The following MGRN1 variants were observed in gnomAD, a reference collection of about 807,000 sequenced individuals.
MGRN1 encodes the protein E3 ubiquitin-protein ligase MGRN1.
Under a neutral mutation model 69.2 loss-of-function variants are expected in MGRN1, and 29 were observed. That is an observed-to-expected ratio of 0.42 (90% CI 0.31 to 0.57). MGRN1 has a LOEUF of 0.57. Ranked by LOEUF, MGRN1 falls within the 20% of genes least tolerant of loss-of-function variation. The pLI is 0.15. For synonymous variants in MGRN1, 470 were observed against 344.2 expected, an observed-to-expected ratio of 1.37 and a Z score of -4.04; for missense variants, 998 against 796.2, an observed-to-expected ratio of 1.25 and a Z score of -3.05.
chr16:4,673,129 C>A (rs1259001853), intron 9 of MGRN1, among the ~76,000 whole-genome samples: 1 of 152,218 alleles, frequency 6.6e-6, no homozygotes, highest in African/African-American at 2.4e-5. Context: ...TGAGCCACCG[C>A]GCCTGACCAT....
chr16:4,641,447 C>T (rs1248404220), intron 1 of MGRN1, among the ~76,000 whole-genome samples: 1 of 151,836 alleles, frequency 6.6e-6, no homozygotes, highest in African/African-American at 2.4e-5. Context: ...TTGCTGGGCT[C>T]GCATGGTCCT....
intron 1 of MGRN1, among the ~76,000 whole-genome samples, chr16:4,630,303 C>T (rs1416962410): frequency 2.0e-5 from 3 of 147,756 alleles, no homozygotes; most frequent in East Asian, 4.0e-4. Context: ...TGCAGTGAGC[C>T]GAGATTATGC....
intron 5 of MGRN1, 36 bp downstream of exon 5, chr16:4,657,399 C>T (rs752767177): frequency 1.3e-6 from 2 of 1,575,752 alleles, no homozygotes; most frequent in Admixed American, 1.7e-5. Flanking sequence ...CCCTTCGCTC[C>T]TCCTGAATTC....
At chr16:4,679,145 C>G (rs1355336914) in intron 11 of MGRN1, among the ~76,000 whole-genome samples, 1 of 152,172 alleles carries the variant, frequency 6.6e-6, no homozygotes, top group Non-Finnish European at 1.5e-5. Context: ...GCTGCGTGTG[C>G]TCAGGTTTTT....
In MGRN1 at chr16:4,624,851, G is replaced by T. The variant is rs1022691832; in HGVS notation, c.-110G>T. 31 of 904,206 alleles carry T rather than the reference G, an allele frequency of 3.4e-5. 1 individual carries two copies. In the South Asian group the frequency reaches 8.5e-4, roughly 25 times the overall value. The allele number at this position is 904,206 out of a possible 1,614,324, so 56.0% of individuals were successfully genotyped here. The stretch of plus-strand genomic sequence containing the variant: ...GGGGGCTCGAGGCGCCTCCGCGGCC[G>T]TGGACGAGCGTCCGTGCGGCCTGGT... On this transcript the variant is annotated 5_prime_UTR_variant, in exon 1 of 17. Coordinates refer to ENST00000262370, the MANE Select transcript of MGRN1 (RefSeq NM_015246.4).
rs769798636 is a variant in MGRN1 at position 4,652,042 on chromosome 16, G to A, written c.287G>A (p.Arg96Gln). 9.3e-6 allele frequency: 15 copies of A among 1,613,874 alleles called. No individual in the cohort carries two copies. Among genetic ancestry groups the A allele is most frequent in the Non-Finnish European group, 1.1e-5 (13 of 1,179,938 alleles). The change falls in exon 3 of 17, where the codon CGG becomes CAG. Residue 96 changes from arginine to glutamine, a missense_variant. Transcript: ENST00000262370. ...GTGAACATCCGCAAAGACTCCCTGC[G>A]GCTGGTGAGGTAACTTCACCCTGCC... ...SLVNIRKDSL[R>Q]LVRYKDDADS... is the part of the protein sequence containing the mutation.
At chr16:4,680,169 G>A in intron 12 of MGRN1, 72 bp downstream of exon 12, 3 of 1,446,472 alleles carry the variant, frequency 2.1e-6, no homozygotes, top group Middle Eastern at 1.7e-4. Flanking sequence ...AAGTAGGGGA[G>A]ATCGTTTCCG....
intron 12 of MGRN1, 113 bp downstream of exon 12, chr16:4,680,210 G>C (rs920077738): frequency 9.5e-7 from 1 of 1,056,370 alleles, no homozygotes; most frequent in Non-Finnish European, 1.4e-6. Flanking sequence ...CATATAACCC[G>C]TCAGCTCCAC....
chr16:4,678,346 C>G (rs1475930526), intron 11 of MGRN1, among the ~76,000 whole-genome samples: 2 of 152,200 alleles, frequency 1.3e-5, no homozygotes, highest in Non-Finnish European at 2.9e-5. Flanking sequence ...GAGAGAGATG[C>G]ACAGAGAAAC....
intron 13 of MGRN1, among the ~76,000 whole-genome samples, chr16:4,682,543 C>A (rs374817361): frequency 1.3e-5 from 2 of 152,346 alleles, no homozygotes; most frequent in East Asian, 3.9e-4. Flanking sequence ...CCCCAGGAAC[C>A]ACCAGCGGTT....
At chr16:4,642,096 A>G (rs569380140) in intron 1 of MGRN1, among the ~76,000 whole-genome samples, 50 of 145,944 alleles carry the variant, frequency 3.4e-4, no homozygotes, top group African/African-American at 1.1e-3. Context: ...CTGCACTGTC[A>G]TGCATTTCCC....
intron 4 of MGRN1, among the ~76,000 whole-genome samples, chr16:4,654,213 G>GT (rs1417120471): frequency 6.6e-6 from 1 of 152,178 alleles, no homozygotes; most frequent in East Asian, 1.9e-4. Flanking sequence ...AATTCCAAGG[G>GT]TTTGGAGTTC....
Position 4,689,326 on chromosome 16 carries a change from CA to C in MGRN1, c.*419del, listed in dbSNP as rs2079406433. ...TCGAAGCACCATCTTCACAGATGTT[CA>C]GGGGCAGTGGGGGGCTCCAGGCACG... On this transcript the variant is annotated 3_prime_UTR_variant, in exon 17 of 17. Transcript: ENST00000262370. The C allele has an allele frequency of 6.1e-6, 1 of 164,434 alleles. No individual in the cohort carries two copies. The highest frequency in any genetic ancestry group is 2.4e-5 in the African/African-American group (1 of 41,994). The allele number at this position is 164,434 out of a possible 1,614,324, so 10.2% of individuals were successfully genotyped here.
rs958550486 is a variant in MGRN1, at chr16:4,683,768, C to T, written c.1529-75C>T. On this transcript the variant is annotated intron_variant, in intron 15 of 16. Transcript: ENST00000262370. ...CTACAGAGCCCTTGGGTAAGAGAGA[C>T]GGCCTCCTGCCCAGAGGGACCTGCC... The T allele has an allele frequency of 1.2e-4, 160 of 1,322,816 alleles. 2 individuals are homozygous for T. Among genetic ancestry groups the T allele is most frequent in the Non-Finnish European group, 1.4e-4 (130 of 942,554 alleles). 81.9% of individuals were successfully genotyped at this position (1,322,816 alleles called of 1,614,324 possible).
At chr16:4,625,131 G>GAGCA in intron 1 of MGRN1, 83 bp downstream of exon 1, 3 of 1,283,562 alleles carry the variant, frequency 2.3e-6, no homozygotes, top group Non-Finnish European at 3.1e-6. Flanking sequence ...GACTCGGGGC[G>GAGCA]GGGCGCCCTG....
intron 8 of MGRN1, among the ~76,000 whole-genome samples, chr16:4,670,884 C>A (rs945478357): frequency 6.6e-6 from 1 of 152,196 alleles, no homozygotes; most frequent in Non-Finnish European, 1.5e-5. Flanking sequence ...CAGCACAAAC[C>A]GCTTTGCAAT....
intron 6 of MGRN1, 151 bp downstream of exon 6, chr16:4,664,926 C>A: frequency 8.0e-7 from 1 of 1,242,584 alleles, no homozygotes; most frequent in Non-Finnish European, 1.2e-6. Flanking sequence ...CTTGGAGTCC[C>A]GGGCAGGTGA....
At chr16:4,671,785 C>T (rs554798460) in intron 9 of MGRN1, among the ~76,000 whole-genome samples, 10 of 152,182 alleles carry the variant, frequency 6.6e-5, no homozygotes, top group Admixed American at 3.3e-4. Context: ...AGAGACAGCA[C>T]GTCCCTGCAG....
rs1419988644 is a variant in MGRN1 at position 4,627,143 on chromosome 16, A to G, written c.88+2095A>G. Among the ~76,000 whole-genome samples, 4 of 152,346 alleles carry G rather than the reference A, an allele frequency of 2.6e-5. No individual in the cohort carries two copies. The East Asian group carries it at 7.7e-4, about 29-fold the overall frequency. On this transcript the variant is annotated intron_variant, in intron 1 of 16. Coordinates refer to ENST00000262370, the MANE Select transcript of MGRN1 (RefSeq NM_015246.4). ...CATTTTGGTGTGTTTCCCCAAGGGCAGACCGGGGACCGTGGAGACATTTGA... is the reference window on the plus strand; with the variant it reads ...CATTTTGGTGTGTTTCCCCAAGGGCGGACCGGGGACCGTGGAGACATTTGA...
Sources: allele counts gnomAD v4.1 joint callset (sites outside exome capture counted in the v4.1 genomes callset), GRCh38; gene constraint gnomAD v4.1.1; transcripts MANE v1.5; gene names NCBI Gene and HGNC (gene_info 2026-07-23, HGNC 2026-07-21).